The following PDLIM3 variants were observed in gnomAD, a reference collection of about 807,000 sequenced individuals.
PDLIM3 encodes PDZ and LIM domain protein 3.
Under a neutral mutation model 37.3 loss-of-function variants are expected in PDLIM3, and 36 were observed. That is an observed-to-expected ratio of 0.97 (90% CI 0.74 to 1.28). PDLIM3 has a LOEUF of 1.28. Among genes scored for constraint, PDLIM3 ranks in the 50% most tolerant of loss-of-function variants. The pLI is 0.00. For synonymous variants in PDLIM3, 174 were observed against 182.4 expected (o/e 0.95, Z 0.37); for missense variants, 454 against 485.0 (o/e 0.94, Z 0.60).
At chr4:185,530,031 G>A (rs1444076844) in intron 1 of PDLIM3, among the ~76,000 whole-genome samples, 1 of 151,870 alleles carries the variant, frequency 6.6e-6, no homozygotes, top group Non-Finnish European at 1.5e-5. Flanking sequence ...CTTTTTTTCT[G>A]CTGATATATT....
At chr4:185,511,521 CA>C (rs1237430796) in intron 4 of PDLIM3, among the ~76,000 whole-genome samples, 1 of 152,086 alleles carries the variant, frequency 6.6e-6, no homozygotes, top group Non-Finnish European at 1.5e-5. Context: ...CCACCATGCC[CA>C]GCTAATTTTT....
intron 3 of PDLIM3, chr4:185,516,505 G>A (rs933727869): frequency 6.6e-6 from 1 of 152,182 alleles, no homozygotes. Context: ...AAAGAAAAGA[G>A]AGTGTCTCTC....
At chr4:185,524,241 G>A (rs4404590) in intron 2 of PDLIM3, among the ~76,000 whole-genome samples, 104,332 of 152,088 alleles carry the variant, frequency 0.69, 41,033 homozygotes, top group Non-Finnish European at 0.87. Flanking sequence ...CTGTGTGCTC[G>A]GCATGAACAC....
At chr4:185,509,420 T>C (rs759770318) in intron 4 of PDLIM3, among the ~76,000 whole-genome samples, 6 of 152,176 alleles carry the variant, frequency 3.9e-5, no homozygotes, top group Non-Finnish European at 5.9e-5. Context: ...ATATTTCCCT[T>C]TTCCTTTTAA....
Position 185,523,378 on chromosome 4 carries a change from A to T in PDLIM3, c.314T>A (p.Leu105Ter). The T allele has an allele frequency of 6.2e-7, 1 of 1,609,108 alleles. No homozygotes were observed. Among genetic ancestry groups the T allele is most frequent in the Admixed American group, 1.7e-5 (1 of 60,002 alleles). The change falls in exon 3 of 8, where the codon TTA becomes TAA. Residue 105 changes from leucine to a stop codon, truncating the protein, a stop_gained. Coordinates refer to ENST00000284767, the MANE Select transcript of PDLIM3 (RefSeq NM_014476.6). LOFTEE classifies it high-confidence loss of function. ...DGKAHPFKIN[L>*]ESEPQDGNYF... Reference sequence around the variant, plus strand: ...AACGCATACCTGTGGTTCTGATTCTAAGTTGATTTTGAAAGGATGGGCTTT... The same window carrying T: ...AACGCATACCTGTGGTTCTGATTCTTAGTTGATTTTGAAAGGATGGGCTTT...
chr4:185,514,499 A>G lies in PDLIM3; in HGVS notation c.331-162T>C. 2 of 1,449,272 alleles carry G rather than the reference A, an allele frequency of 1.4e-6. No individual in the cohort carries two copies. The highest frequency in any genetic ancestry group is 1.9e-6 in the Non-Finnish European group (2 of 1,055,944). 89.8% of individuals were successfully genotyped at this position (1,449,272 alleles called of 1,614,324 possible). On this transcript the variant is annotated intron_variant, in intron 3 of 7. Coordinates refer to ENST00000284767, the MANE Select transcript of PDLIM3 (RefSeq NM_014476.6). This position sits in a 1 kb window ranked among gnomAD's most constrained non-coding sequence, Gnocchi z 4.0. ...CCAGGACGATGTCTTCTTTCCAACCATCTATCCGCTAAACGGTCAGGCACT... is the reference window on the plus strand; with the variant it reads ...CCAGGACGATGTCTTCTTTCCAACCGTCTATCCGCTAAACGGTCAGGCACT...
intron 3 of PDLIM3, among the ~76,000 whole-genome samples, chr4:185,520,053 C>T (rs1223857387): frequency 6.6e-6 from 1 of 152,216 alleles, no homozygotes; most frequent in East Asian, 1.9e-4. Flanking sequence ...AACCCTATAA[C>T]CATAGCTTAG....
chr4:185,529,415 G>A (rs2095739915), intron 1 of PDLIM3, among the ~76,000 whole-genome samples: 1 of 152,224 alleles, frequency 6.6e-6, no homozygotes, highest in Non-Finnish European at 1.5e-5. Context: ...GTCCTGAGAT[G>A]ATGTTTCTGT....
chr4:185,503,265 A>AC (rs1257050631), intron 7 of PDLIM3, among the ~76,000 whole-genome samples: 1 of 152,102 alleles, frequency 6.6e-6, no homozygotes, highest in Non-Finnish European at 1.5e-5. Context: ...ACAAAACAAA[A>AC]AACCAGATCA....
rs2095711085 is a variant in PDLIM3, at chr4:185,514,221, T to C, written c.398+49A>G. The C allele has an allele frequency of 6.2e-7, 1 of 1,614,154 alleles. No homozygotes were observed. The highest frequency in any genetic ancestry group is 2.2e-5 in the East Asian group (1 of 44,884). On this transcript the variant is annotated intron_variant, in intron 4 of 7. Coordinates refer to ENST00000284767, the MANE Select transcript of PDLIM3 (RefSeq NM_014476.6). This position sits in a 1 kb window ranked among gnomAD's most constrained non-coding sequence, Gnocchi z 4.0. The stretch of plus-strand genomic sequence containing the variant: ...ACTTTTCTTGATGATTAGTAAGAAC[T>C]GATTTAAGAAGCATGCACTGCAAAC...
chr4:185,527,335 C>T (rs1165905111), intron 1 of PDLIM3, among the ~76,000 whole-genome samples: 3 of 152,160 alleles, frequency 2.0e-5, no homozygotes, highest in Non-Finnish European at 1.5e-5. Flanking sequence ...TTTGCTTATT[C>T]TAGCTATCTA....
At chr4:185,507,210 C>A (rs1200366301) in intron 5 of PDLIM3, 3 of 152,920 alleles carry the variant, frequency 2.0e-5, no homozygotes, top group African/African-American at 4.8e-5. Context: ...AGAAATTTAA[C>A]CTCTCAGGGT....
At chr4:185,510,591 C>T (rs180913938) in intron 4 of PDLIM3, among the ~76,000 whole-genome samples, 1 of 152,134 alleles carries the variant, frequency 6.6e-6, no homozygotes, top group East Asian at 1.9e-4. Flanking sequence ...TATTTCAAGG[C>T]TACCATTAGT....
intron 6 of PDLIM3, 64 bp downstream of exon 6, chr4:185,506,458 C>A (rs2095697393): frequency 6.2e-7 from 1 of 1,601,808 alleles, no homozygotes; most frequent in Non-Finnish European, 8.5e-7. Context: ...TTGCTGTCGT[C>A]CCCGTCCCGC....
chr4:185,529,187 G>A (rs1353978388), intron 1 of PDLIM3, among the ~76,000 whole-genome samples: 1 of 152,152 alleles, frequency 6.6e-6, no homozygotes, highest in African/African-American at 2.4e-5. Context: ...GAACGTTAAA[G>A]GCTCCAGTCC....
intron 4 of PDLIM3, chr4:185,513,927 C>T (rs1303394649): frequency 1.7e-6 from 2 of 1,203,954 alleles, no homozygotes. Flanking sequence ...CTCGCTCCTG[C>T]TGGCAGGGCT....
chr4:185,514,705 T>G lies in PDLIM3; in HGVS notation c.331-368A>C, dbSNP rs529493521. The G allele has an allele frequency of 3.2e-6, 5 of 1,551,822 alleles. No individual in the cohort carries two copies. In the East Asian group the frequency reaches 1.2e-4, roughly 38 times the overall value. On this transcript the variant is annotated intron_variant, in intron 3 of 7. Coordinates refer to ENST00000284767, the MANE Select transcript of PDLIM3 (RefSeq NM_014476.6). This position sits in a 1 kb window ranked among gnomAD's most constrained non-coding sequence, Gnocchi z 4.0. ...CCAGAACAGAGCCGGATACTTACTT[T>G]TGAGGTGAGCTAGGAATGAGACCCC...
rs183539205 is a variant in PDLIM3 at position 185,515,073 on chromosome 4, T to C, written c.331-736A>G. 5 of 472,680 alleles carry C rather than the reference T, an allele frequency of 1.1e-5. No homozygotes were observed. In the Admixed American group the frequency reaches 1.9e-4, roughly 18 times the overall value. The allele number at this position is 472,680 out of a possible 1,614,324, so 29.3% of individuals were successfully genotyped here. The stretch of plus-strand genomic sequence containing the variant: ...TTTTCTCTGAGCTTTACATGTGCTA[T>C]ATTCACCGATCAAATGTTAAGGTGA... On this transcript the variant is annotated intron_variant, in intron 3 of 7. Transcript: ENST00000284767.
At chr4:185,505,094 T>C (rs2095694478) in intron 6 of PDLIM3, among the ~76,000 whole-genome samples, 1 of 152,238 alleles carries the variant, frequency 6.6e-6, no homozygotes, top group South Asian at 2.1e-4. Flanking sequence ...TGGATTTGCC[T>C]ATTCTGGATC....
Sources: allele counts gnomAD v4.1 joint callset (sites outside exome capture counted in the v4.1 genomes callset), GRCh38; gene constraint gnomAD v4.1.1; non-coding constraint Gnocchi (gnomAD v3.1); transcripts MANE v1.5; gene names NCBI Gene and HGNC (gene_info 2026-07-23, HGNC 2026-07-21).